The following PDK1 variants were observed in gnomAD, a reference collection of about 807,000 sequenced individuals.
The protein encoded by PDK1 is pyruvate dehydrogenase kinase 1.
In PDK1, 39 loss-of-function variants were observed where a neutral mutation model predicts 54.2. The ratio of observed to expected loss-of-function variants is 0.72; its 90% CI spans 0.56 to 0.94. The LOEUF (loss-of-function observed/expected upper bound fraction) is 0.94. PDK1 is among the 40% of genes least tolerant of loss of function. The pLI, the probability that PDK1 is intolerant of heterozygous loss-of-function variation, is 0.00. For missense variants in PDK1, 552 were observed against 566.0 expected (o/e 0.98, Z 0.25); for synonymous variants, 221 against 207.1 (o/e 1.07, Z -0.58).
At chr2:172,564,043 G>C (rs925590365) in intron 3 of PDK1, 1 of 471,166 alleles carries the variant, frequency 2.1e-6, no homozygotes, top group African/African-American at 2.0e-5. Context: ...TTCTCTCTTT[G>C]AACCCTAGGG....
At chr2:172,653,840 C>T in the PDK1 span, among the ~76,000 whole-genome samples, 1 of 152,062 alleles carries the variant, frequency 6.6e-6, no homozygotes, top group African/African-American at 2.4e-5. Flanking sequence ...AACAGGCAAC[C>T]TACAGAACGG....
the PDK1 span, among the ~76,000 whole-genome samples, chr2:172,666,633 A>G: frequency 6.6e-6 from 1 of 152,146 alleles, no homozygotes; most frequent in African/African-American, 2.4e-5. Flanking sequence ...GGTGGGAAGG[A>G]TGGTTACAGA....
At chr2:172,714,616 GATAATCA>G in the PDK1 span, among the ~76,000 whole-genome samples, 1 of 129,582 alleles carries the variant, frequency 7.7e-6, no homozygotes, top group African/African-American at 2.8e-5. Flanking sequence ...TATTAAATTT[GATAATCA>G]ATAAAGATAA....
chr2:172,699,911 G>A, the PDK1 span, among the ~76,000 whole-genome samples: 1 of 152,056 alleles, frequency 6.6e-6, no homozygotes, highest in South Asian at 2.1e-4. Flanking sequence ...GCCGCCTTCC[G>A]AACTGTTTGT....
chr2:172,663,921 C>T, the PDK1 span, among the ~76,000 whole-genome samples: 2 of 151,546 alleles, frequency 1.3e-5, no homozygotes, highest in Admixed American at 6.6e-5. Flanking sequence ...CAACTTCAGC[C>T]TCCTAAATAG....
chr2:172,623,017 G>GTGCATGCCT, the PDK1 span, among the ~76,000 whole-genome samples: 1 of 151,586 alleles, frequency 6.6e-6, no homozygotes, highest in Non-Finnish European at 1.5e-5. Context: ...CAGCGTGATG[G>GTGCATGCCT]TGCATGCCTG....
chr2:172,576,233 T>G (rs1413210979), intron 8 of PDK1, among the ~76,000 whole-genome samples: 2 of 152,186 alleles, frequency 1.3e-5, no homozygotes, highest in African/African-American at 4.8e-5. Flanking sequence ...GCCTATAGTT[T>G]GTGTTTTTAT....
At chr2:172,707,110 C>T in the PDK1 span, among the ~76,000 whole-genome samples, 1 of 152,164 alleles carries the variant, frequency 6.6e-6, no homozygotes, top group African/African-American at 2.4e-5. Context: ...TCTGATACCC[C>T]ACCAGCAGGG....
At chr2:172,631,202 C>G in the PDK1 span, among the ~76,000 whole-genome samples, 1 of 152,214 alleles carries the variant, frequency 6.6e-6, no homozygotes, top group Non-Finnish European at 1.5e-5. Context: ...ACCACATAAA[C>G]GTGTCTATTT....
At chr2:172,668,626 G>A in the PDK1 span, among the ~76,000 whole-genome samples, 1 of 151,476 alleles carries the variant, frequency 6.6e-6, no homozygotes, top group Non-Finnish European at 1.5e-5. Context: ...TGGGTGCTCT[G>A]TAGCTGCCAC....
chr2:172,593,102 G>A (rs1690694350), intron 10 of PDK1, 54 bp downstream of exon 10: 4 of 907,258 alleles, frequency 4.4e-6, no homozygotes, highest in South Asian at 4.2e-5. Context: ...AAGAACAGAT[G>A]TCCATACTTA....
the PDK1 span, among the ~76,000 whole-genome samples, chr2:172,659,892 A>G: frequency 2.6e-5 from 4 of 152,220 alleles, no homozygotes; most frequent in Non-Finnish European, 5.9e-5. Context: ...GGAAGGGAAC[A>G]CTTTCAAACC....
In PDK1 at chr2:172,606,799, A is replaced by C. The variant is rs1293764914; in HGVS notation, c.*10830A>C. On this transcript the variant is annotated 3_prime_UTR_variant, in exon 11 of 11. Transcript: ENST00000282077. ...CACATGACCTACAACTAACCATTTT[A>C]AAGTGTAATTCAGTGTCATTCAGTA... 1 of 151,754 alleles carries C rather than the reference A, an allele frequency of 6.6e-6. No homozygotes were observed. Among genetic ancestry groups the C allele is most frequent in the Admixed American group, 6.6e-5 (1 of 15,224 alleles). The allele number at this position is 151,754 out of a possible 1,614,324, so 9.4% of individuals were successfully genotyped here.
chr2:172,625,602 T>A, the PDK1 span, among the ~76,000 whole-genome samples: 1 of 152,172 alleles, frequency 6.6e-6, no homozygotes, highest in Non-Finnish European at 1.5e-5. Context: ...GTGTAAATAT[T>A]CCTTTATCCA....
chr2:172,670,669 A>C, the PDK1 span, among the ~76,000 whole-genome samples: 10 of 152,364 alleles, frequency 6.6e-5, no homozygotes, highest in East Asian at 1.9e-3. Context: ...TGTCTTAAAC[A>C]CTAAAAAATA....
chr2:172,681,939 G>A, the PDK1 span, among the ~76,000 whole-genome samples: 8,099 of 152,206 alleles, frequency 0.053, 406 homozygotes, highest in East Asian at 0.22. Context: ...TGTATTTTTA[G>A]TAGAGACAGG....
chr2:172,704,239 T>C, the PDK1 span, among the ~76,000 whole-genome samples: 48 of 152,226 alleles, frequency 3.2e-4, no homozygotes, highest in Non-Finnish European at 5.0e-4. Context: ...ACGACAGCGA[T>C]GGTGAGACTT....
chr2:172,603,938 C>T lies in PDK1; in HGVS notation c.*7969C>T, dbSNP rs1691198614. ...TTATATTTGGCTGGTAAGATCGATG[C>T]TTCTGTCACTACTGATGGGCAAGGA... is the stretch of plus-strand genomic sequence containing the variant. On this transcript the variant is annotated 3_prime_UTR_variant, in exon 11 of 11. Transcript: ENST00000282077. 1 of 152,284 alleles carries T rather than the reference C, an allele frequency of 6.6e-6. No individual in the cohort carries two copies. The highest frequency in any genetic ancestry group is 1.9e-4 in the East Asian group (1 of 5,186). The allele number at this position is 152,284 out of a possible 1,614,324, so 9.4% of individuals were successfully genotyped here.
intron 5 of PDK1, 59 bp downstream of exon 5, chr2:172,565,132 T>G (rs1688866877): frequency 9.9e-7 from 1 of 1,008,246 alleles, no homozygotes; most frequent in Non-Finnish European, 1.6e-6. Flanking sequence ...TATTGTTATT[T>G]CTTACTATTA....
Sources: allele counts gnomAD v4.1 joint callset (sites outside exome capture counted in the v4.1 genomes callset), GRCh38; gene constraint gnomAD v4.1.1; transcripts MANE v1.5; gene names NCBI Gene and HGNC (gene_info 2026-07-23, HGNC 2026-07-21).